The following NCOA3 variants were observed in gnomAD, a reference collection of about 807,000 sequenced individuals.
NCOA3 encodes the protein nuclear receptor coactivator 3.
In NCOA3, 51 loss-of-function variants were observed where a neutral mutation model predicts 158.8. That is an observed-to-expected ratio of 0.32 (90% CI 0.26 to 0.41). The LOEUF is 0.41. NCOA3 is among the 10% of genes least tolerant of loss of function. The pLI, the probability that NCOA3 is intolerant of heterozygous loss-of-function variation, is 1.00. For missense variants in NCOA3, 1,510 were observed against 1,746.6 expected (o/e 0.86, Z 2.41); for synonymous variants, 537 against 592.4 (o/e 0.91, Z 1.36).
chr20:47,502,137 T>A (rs1005813924), intron 1 of NCOA3, 118 bp downstream of exon 1: 6 of 397,216 alleles, frequency 1.5e-5, no homozygotes, highest in Non-Finnish European at 2.7e-5. Context: ...GCCAAGGCAC[T>A]GAGGGGCGCG....
chr20:47,647,080 C>T lies in NCOA3; in HGVS notation c.3260C>T (p.Ala1087Val). 5.0e-6 allele frequency: 8 copies of T among 1,613,420 alleles called. No homozygotes were observed. The highest frequency in any genetic ancestry group is 6.8e-6 in the Non-Finnish European group (8 of 1,179,536). Reference protein sequence around the residue: ...GIPELVNQGQALEPKQDAFQG... With the variant: ...GIPELVNQGQVLEPKQDAFQG... ...TTATGTGTTGTGTTTAAGGGACAGG[C>T]ATTAGAGCCCAAACAGGATGCTTTC... Residue 1087 changes from alanine to valine, a missense_variant, in exon 18 of 23, where the codon GCA (alanine) becomes GTA (valine). Coordinates refer to ENST00000371998, the MANE Select transcript of NCOA3 (RefSeq NM_181659.3).
intron 18 of NCOA3, among the ~76,000 whole-genome samples, chr20:47,647,643 G>C (rs1167579299): frequency 6.6e-6 from 1 of 152,102 alleles, no homozygotes; most frequent in African/African-American, 2.4e-5. Context: ...CTTAAAGGTA[G>C]ATAAGGTTTT....
chr20:47,572,375 G>A (rs1333317338), intron 1 of NCOA3, among the ~76,000 whole-genome samples: 1 of 151,930 alleles, frequency 6.6e-6, no homozygotes, highest in African/African-American at 2.4e-5. Flanking sequence ...CTGCACCCCA[G>A]TCTGGGCCAT....
chr20:47,542,009 G>GTTTTTTTGTTTTTTTTTTTT lies in NCOA3; in HGVS notation c.-99+39997_-99+39998insGTTTTTTTTTTTTTTTTTTT, dbSNP rs71183262. On this transcript the variant is annotated intron_variant, in intron 1 of 22. Coordinates refer to ENST00000371998, the MANE Select transcript of NCOA3 (RefSeq NM_181659.3). ...ATCAAATTATTTTTTGCCCTGTAGA[G>GTTTTTTTGTTTTTTTTTTTT]TTTTTTTTTTTTTTTTTTTTTGTTG... 8.3e-4 allele frequency among the ~76,000 whole-genome samples: 47 copies of GTTTTTTTGTTTTTTTTTTTT among 56,352 alleles called. 1 individual carries two copies. Among genetic ancestry groups the GTTTTTTTGTTTTTTTTTTTT allele is most frequent in the Non-Finnish European group, 1.1e-3 (33 of 28,698 alleles). The allele number at this position is 56,352 out of a possible 152,430, so 37.0% of individuals were successfully genotyped here. A position where few individuals can be genotyped will look rare whatever the true frequency, so the allele number is the denominator to read the frequency against.
intron 1 of NCOA3, among the ~76,000 whole-genome samples, chr20:47,566,120 A>G (rs1602411549): frequency 6.6e-6 from 1 of 151,964 alleles, no homozygotes; most frequent in Admixed American, 6.6e-5. Context: ...ATGGGCTTTC[A>G]TCATGTTGGC....
In NCOA3 at chr20:47,628,280, C is replaced by T. The variant is rs997168253; in HGVS notation, c.823+257C>T. Among the ~76,000 whole-genome samples, 6 of 152,000 alleles carry T rather than the reference C, an allele frequency of 3.9e-5. No individual in the cohort carries two copies. In the South Asian group the frequency reaches 8.3e-4, roughly 21 times the overall value. On this transcript the variant is annotated intron_variant, in intron 8 of 22. Coordinates refer to ENST00000371998, the MANE Select transcript of NCOA3 (RefSeq NM_181659.3). ...AAATTAAAAAAAAAATTTAGGGGCA[C>T]CTGGTTTTCTCTCCAAATTGCATTT... is the stretch of plus-strand genomic sequence containing the variant.
At chr20:47,579,655 C>T (rs752459371) in intron 1 of NCOA3, among the ~76,000 whole-genome samples, 7 of 152,098 alleles carry the variant, frequency 4.6e-5, no homozygotes, top group African/African-American at 7.2e-5. Context: ...TGACTATTTG[C>T]GAATCTCTCT....
At chr20:47,634,681 G>A (rs572330237) in intron 10 of NCOA3, among the ~76,000 whole-genome samples, 152 of 152,312 alleles carry the variant, frequency 1.0e-3, no homozygotes, top group African/African-American at 3.5e-3. Context: ...AAGCCCACCT[G>A]AAACTCCAGT....
At chr20:47,519,755 C>CT (rs1188209458) in intron 1 of NCOA3, among the ~76,000 whole-genome samples, 1 of 152,108 alleles carries the variant, frequency 6.6e-6, no homozygotes, top group Non-Finnish European at 1.5e-5. Context: ...TGGCAAAACT[C>CT]TTGTCTCCAC....
At chr20:47,529,362 A>G (rs570695113) in intron 1 of NCOA3, among the ~76,000 whole-genome samples, 5 of 151,602 alleles carry the variant, frequency 3.3e-5, no homozygotes, top group Non-Finnish European at 7.4e-5. Context: ...CAGGTGATCC[A>G]CCCACCTTGG....
Position 47,626,724 on chromosome 20 carries a change from G to A in NCOA3, c.358-278G>A, listed in dbSNP as rs1300152460. On this transcript the variant is annotated intron_variant, in intron 5 of 22. Coordinates refer to ENST00000371998, the MANE Select transcript of NCOA3 (RefSeq NM_181659.3). The stretch of plus-strand genomic sequence containing the variant: ...TGGTGGCTGGAAGTCCAGGATCAAG[G>A]TGTCAGCAGGATTGGCTTCTCCTTG... Among the ~76,000 whole-genome samples, 3 of 152,284 alleles carry A rather than the reference G, an allele frequency of 2.0e-5. No homozygotes were observed. The South Asian group carries it at 6.2e-4, about 32-fold the overall frequency.
At chr20:47,525,047 G>T (rs1030263945) in intron 1 of NCOA3, among the ~76,000 whole-genome samples, 1 of 148,702 alleles carries the variant, frequency 6.7e-6, no homozygotes, top group Admixed American at 6.7e-5. Context: ...AGTGAACAAA[G>T]GTCTCTGGTT....
chr20:47,616,096 T>G (rs1387699458), intron 2 of NCOA3, among the ~76,000 whole-genome samples: 1 of 148,936 alleles, frequency 6.7e-6, no homozygotes, highest in African/African-American at 2.5e-5. Flanking sequence ...AGGTGGAGGT[T>G]GCAGTGAGCC....
At chr20:47,606,559 T>A (rs1283060222) in intron 2 of NCOA3, among the ~76,000 whole-genome samples, 1 of 152,210 alleles carries the variant, frequency 6.6e-6, no homozygotes, top group Non-Finnish European at 1.5e-5. Flanking sequence ...TTCCCTTTTT[T>A]CCTTAAGTAC....
intron 2 of NCOA3, among the ~76,000 whole-genome samples, chr20:47,594,957 A>C (rs1400896222): frequency 1.3e-5 from 2 of 150,134 alleles, no homozygotes; most frequent in Admixed American, 6.6e-5. Flanking sequence ...ACGACTGGCT[A>C]ATTTTTGTAT....
chr20:47,538,662 T>C (rs1343091924), intron 1 of NCOA3, among the ~76,000 whole-genome samples: 2 of 152,058 alleles, frequency 1.3e-5, no homozygotes, highest in Non-Finnish European at 2.9e-5. Context: ...CTCAGCCTCC[T>C]GAGTAGCTGG....
rs566180467 is a variant in NCOA3, at chr20:47,521,095, C to T, written c.-99+19076C>T. Among the ~76,000 whole-genome samples the T allele has an allele frequency of 5.9e-5, 9 of 152,348 alleles. No individual in the cohort carries two copies. The South Asian group carries it at 8.3e-4, about 14-fold the overall frequency. On this transcript the variant is annotated intron_variant, in intron 1 of 22. Coordinates refer to ENST00000371998, the MANE Select transcript of NCOA3 (RefSeq NM_181659.3). ...CTTGGTGTGTGCACAGAGTCGTCGC[C>T]GCAGTATGTGAAGATCTTTTACCTA...
At chr20:47,623,793 GAAAAA>G in intron 3 of NCOA3, 113 bp from the exon 4 acceptor site, 2 of 803,038 alleles carry the variant, frequency 2.5e-6, no homozygotes, top group Non-Finnish European at 3.6e-6. Context: ...CTGTCTCGAG[GAAAAA>G]AAAAAAAAAG....
chr20:47,611,256 T>G (rs1179822831), intron 2 of NCOA3, among the ~76,000 whole-genome samples: 1 of 152,194 alleles, frequency 6.6e-6, no homozygotes, highest in Non-Finnish European at 1.5e-5. Context: ...TTCTGCTCTG[T>G]GCACATACCC....
Sources: allele counts gnomAD v4.1 joint callset (sites outside exome capture counted in the v4.1 genomes callset), GRCh38; gene constraint gnomAD v4.1.1; transcripts MANE v1.5; gene names NCBI Gene and HGNC (gene_info 2026-07-23, HGNC 2026-07-21).